Variants in NEK11 observed in about 807,000 individuals in gnomAD.
NEK11 encodes NIMA related kinase 11, also known as serine/threonine-protein kinase Nek11.
Under a neutral mutation model 80.7 loss-of-function variants are expected in NEK11, and 72 were observed. The ratio of observed to expected loss-of-function variants is 0.89; its 90% CI spans 0.74 to 1.08. NEK11 has a LOEUF of 1.08. NEK11 is among the 50% of genes least tolerant of loss of function. The pLI is 0.00. For synonymous variants in NEK11, 251 were observed against 260.7 expected, an observed-to-expected ratio of 0.96 and a Z score of 0.36; for missense variants, 764 against 763.6, an observed-to-expected ratio of 1.00 and a Z score of -0.01.
intron 5 of NEK11, among the ~76,000 whole-genome samples, chr3:131,113,359 G>T (rs1437427033): frequency 3.3e-5 from 5 of 152,142 alleles, no homozygotes; most frequent in African/African-American, 1.2e-4. Flanking sequence ...AACCATCAGG[G>T]CTTGACTTTG....
intron 17 of NEK11, among the ~76,000 whole-genome samples, chr3:131,333,148 T>G (rs1160894090): frequency 1.3e-5 from 2 of 151,930 alleles, no homozygotes; most frequent in African/African-American, 4.8e-5. Flanking sequence ...GAAGAGCAAC[T>G]CCAAGACACA....
chr3:131,300,228 T>C (rs1320908956), intron 17 of NEK11, among the ~76,000 whole-genome samples: 1 of 152,258 alleles, frequency 6.6e-6, no homozygotes, highest in East Asian at 1.9e-4. Flanking sequence ...AATGGGGTTG[T>C]TGGTTTTTTG....
chr3:131,179,891 A>G (rs577677220), intron 14 of NEK11, among the ~76,000 whole-genome samples: 8 of 152,164 alleles, frequency 5.3e-5, no homozygotes, highest in Non-Finnish European at 1.2e-4. Flanking sequence ...GTACAATATT[A>G]TATTTCTCAA....
rs184561313 is a variant in NEK11, at chr3:131,086,632, A to G, written c.336+6044A>G. Among the ~76,000 whole-genome samples the G allele has an allele frequency of 1.2e-4, 19 of 152,188 alleles. No homozygotes were observed. In the East Asian group the frequency reaches 2.1e-3, roughly 17 times the overall value. On this transcript the variant is annotated intron_variant, in intron 4 of 17. Transcript: ENST00000383366. ...AAGTAAATTCTTGCTTATTAATTCC[A>G]TTTTACAGATGAAGAAACAGGACCC...
At chr3:131,148,542 G>T (rs1055795492) in intron 7 of NEK11, among the ~76,000 whole-genome samples, 2 of 151,772 alleles carry the variant, frequency 1.3e-5, no homozygotes, top group Non-Finnish European at 2.9e-5. Context: ...AGAAGATAAA[G>T]GTAGCCACTG....
chr3:131,134,559 C>T (rs1033389227), intron 7 of NEK11, among the ~76,000 whole-genome samples: 2 of 152,024 alleles, frequency 1.3e-5, no homozygotes, highest in Non-Finnish European at 2.9e-5. Context: ...CACCACCACG[C>T]CTGGCTAATT....
chr3:131,340,622 G>A (rs941196005), intron 17 of NEK11, among the ~76,000 whole-genome samples: 1 of 152,156 alleles, frequency 6.6e-6, no homozygotes, highest in African/African-American at 2.4e-5. Flanking sequence ...CAGCAAGGGA[G>A]TCAGCCAAAC....
At chr3:131,287,227 C>A (rs1158998439) in intron 17 of NEK11, among the ~76,000 whole-genome samples, 4 of 152,098 alleles carry the variant, frequency 2.6e-5, no homozygotes, top group Non-Finnish European at 5.9e-5. Flanking sequence ...GGAATGGGAC[C>A]CATGGCCCAC....
chr3:131,161,576 C>T (rs1421301342), intron 10 of NEK11, among the ~76,000 whole-genome samples: 2 of 152,218 alleles, frequency 1.3e-5, no homozygotes, highest in East Asian at 3.9e-4. Flanking sequence ...CAAAGTAATG[C>T]ATGACCAGAA....
intron 2 of NEK11, among the ~76,000 whole-genome samples, 186 bp from the exon 3 acceptor site, chr3:131,029,427 C>T (rs1577167527): frequency 6.6e-6 from 1 of 152,220 alleles, no homozygotes; most frequent in Admixed American, 6.5e-5. Flanking sequence ...CAAAGGGAGG[C>T]TCTTCCTGTG....
At chr3:131,343,025 C>A (rs895636921) in intron 17 of NEK11, among the ~76,000 whole-genome samples, 2 of 152,060 alleles carry the variant, frequency 1.3e-5, no homozygotes, top group African/African-American at 4.8e-5. Flanking sequence ...AGGGCCAAGA[C>A]TCAAGAGGAG....
At chr3:131,174,508 A>G (rs968696337) in intron 14 of NEK11, among the ~76,000 whole-genome samples, 1 of 152,228 alleles carries the variant, frequency 6.6e-6, no homozygotes, top group Admixed American at 6.5e-5. Context: ...TCCCTCTGGC[A>G]TATGAGGAGT....
chr3:131,115,992 T>TTCTTTCTCTTTCTTTCTTTC (rs1553878713), intron 5 of NEK11, among the ~76,000 whole-genome samples: 2 of 123,316 alleles, frequency 1.6e-5, no homozygotes, highest in African/African-American at 6.1e-5. Flanking sequence ...CTTTCTTTAT[T>TTCTTTCTCTTTCTTTCTTTC]ATACTTTAAG....
chr3:131,308,903 G>T (rs1028630461), intron 17 of NEK11, among the ~76,000 whole-genome samples: 1 of 152,162 alleles, frequency 6.6e-6, no homozygotes, highest in Non-Finnish European at 1.5e-5. Context: ...AGACCACCAG[G>T]TATTAGTTAG....
rs553212977 is a variant in NEK11 at position 131,207,064 on chromosome 3, C to T, written c.1400-21464C>T. 5.9e-5 allele frequency among the ~76,000 whole-genome samples: 9 copies of T among 152,304 alleles called. No homozygotes were observed. In the East Asian group the frequency reaches 1.5e-3, roughly 26 times the overall value. On this transcript the variant is annotated intron_variant, in intron 14 of 17. Coordinates refer to ENST00000383366, the MANE Select transcript of NEK11 (RefSeq NM_024800.5). ...GCCACATTTTCTTAATCCAGTCTATCATTGATGGACATTTGGGTTGGTTCC... is the reference window on the plus strand; with the variant it reads ...GCCACATTTTCTTAATCCAGTCTATTATTGATGGACATTTGGGTTGGTTCC...
chr3:131,068,787 G>C (rs2148894064), intron 3 of NEK11, among the ~76,000 whole-genome samples: 1 of 152,316 alleles, frequency 6.6e-6, no homozygotes, highest in East Asian at 1.9e-4. Flanking sequence ...GTTATGCCCT[G>C]ACTTTTTAGG....
At chr3:131,222,895 C>A (rs1476112926) in intron 14 of NEK11, among the ~76,000 whole-genome samples, 1 of 152,202 alleles carries the variant, frequency 6.6e-6, no homozygotes, top group Non-Finnish European at 1.5e-5. Flanking sequence ...TTATTTGGGT[C>A]TTAATTGAAG....
chr3:131,149,067 T>C (rs967522338), intron 7 of NEK11, among the ~76,000 whole-genome samples: 3 of 152,124 alleles, frequency 2.0e-5, no homozygotes. Flanking sequence ...TTTAAACCTT[T>C]ATTTATTTGT....
At chr3:131,313,976 A>T (rs2096808052) in intron 17 of NEK11, among the ~76,000 whole-genome samples, 2 of 152,208 alleles carry the variant, frequency 1.3e-5, no homozygotes, top group African/African-American at 4.8e-5. Context: ...TGGGAAATAG[A>T]TGTCAGCTGC....
Sources: gnomAD v4.1 joint callset for allele counts (sites outside exome capture counted in the v4.1 genomes callset) on GRCh38, gnomAD v4.1.1 for gene constraint, MANE v1.5 for transcripts, NCBI Gene and HGNC (gene_info 2026-07-23, HGNC 2026-07-21) for gene names.